The following RNF138 variants were observed in gnomAD, a reference collection of about 807,000 sequenced individuals.
The protein encoded by RNF138 is E3 ubiquitin-protein ligase RNF138.
Under a neutral mutation model 31.0 loss-of-function variants are expected in RNF138, and 12 were observed. The observed-to-expected ratio is 0.39, with a 90% CI of 0.25 to 0.63. The LOEUF is 0.63. Among genes scored for constraint, RNF138 ranks in the 20% least tolerant of loss-of-function variants. RNF138 has a pLI of 0.52. For missense variants in RNF138, 192 were observed against 300.1 expected, an observed-to-expected ratio of 0.64 and a Z score of 2.66; for synonymous variants, 105 against 99.5, an observed-to-expected ratio of 1.06 and a Z score of -0.33.
intron 6 of RNF138, among the ~76,000 whole-genome samples, chr18:32,125,426 A>C (rs533403291): frequency 3.5e-4 from 54 of 152,330 alleles, no homozygotes; most frequent in Non-Finnish European, 6.6e-4. Flanking sequence ...ATTCCAACAT[A>C]TAATGATCCT....
intron 4 of RNF138, among the ~76,000 whole-genome samples, chr18:32,117,701 C>G (rs187275743): frequency 2.1e-3 from 325 of 152,266 alleles, no homozygotes; most frequent in African/African-American, 7.5e-3. Context: ...CACTTTCATT[C>G]ATATCATTCA....
intron 2 of RNF138, among the ~76,000 whole-genome samples, chr18:32,110,547 G>A (rs1301128992): frequency 6.6e-6 from 1 of 152,192 alleles, no homozygotes; most frequent in Admixed American, 6.5e-5. Flanking sequence ...CTCAGGTTAT[G>A]TGATCTGTTA....
At chr18:32,099,286 A>G (rs928650812) in intron 2 of RNF138, among the ~76,000 whole-genome samples, 1 of 152,162 alleles carries the variant, frequency 6.6e-6, no homozygotes, top group African/African-American at 2.4e-5. Flanking sequence ...TCTGTCTAGC[A>G]CTTTGATCCA....
At chr18:32,114,563 A>G (rs1270411123) in intron 4 of RNF138, among the ~76,000 whole-genome samples, 1 of 152,178 alleles carries the variant, frequency 6.6e-6, no homozygotes, top group East Asian at 1.9e-4. Flanking sequence ...CCTAGATGCA[A>G]CCACTATTCT....
At chr18:32,118,715 G>A (rs1346526817) in intron 4 of RNF138, among the ~76,000 whole-genome samples, 1 of 151,966 alleles carries the variant, frequency 6.6e-6, no homozygotes, top group Non-Finnish European at 1.5e-5. Context: ...TGTAATCCCA[G>A]CTACTCAGGA....
chr18:32,092,537 AT>A (rs2039712012), intron 1 of RNF138, 162 bp from the exon 2 acceptor site: 2 of 509,540 alleles, frequency 3.9e-6, no homozygotes, highest in Admixed American at 7.2e-5. Context: ...ACCGTCCCCC[AT>A]CCAGCCCCCT....
intron 6 of RNF138, 77 bp from the exon 7 acceptor site, chr18:32,126,616 G>A: frequency 4.4e-6 from 4 of 901,092 alleles, no homozygotes; most frequent in East Asian, 2.6e-5. Context: ...ATATCCCTGT[G>A]TTATTTTAAT....
At position 32,131,432 on chromosome 18, in the gene RNF138, A is replaced by G. The variant is rs550829938; in HGVS notation, c.*2245A>G. The G allele has an allele frequency of 6.6e-6, 1 of 152,298 alleles. No individual in the cohort carries two copies. The highest frequency in any genetic ancestry group is 1.5e-5 in the Non-Finnish European group (1 of 67,992). The allele number at this position is 152,298 out of a possible 1,614,324, so 9.4% of individuals were successfully genotyped here. A position where few individuals can be genotyped will look rare whatever the true frequency, so the allele number is the denominator to read the frequency against. The stretch of plus-strand genomic sequence containing the variant: ...AGAATTAAAGGAGGGAATTGTATTG[A>G]TACTCCAATACCTAAATTTCACAAT... On this transcript the variant is annotated 3_prime_UTR_variant, in exon 8 of 8. Coordinates refer to ENST00000261593, the MANE Select transcript of RNF138 (RefSeq NM_016271.5).
At chr18:32,104,452 G>A (rs1488824711) in intron 2 of RNF138, among the ~76,000 whole-genome samples, 2 of 152,084 alleles carry the variant, frequency 1.3e-5, no homozygotes, top group African/African-American at 2.4e-5. Context: ...ATTTAACATT[G>A]TATTTCAGGT....
Position 32,099,424 on chromosome 18 carries a change from A to G in RNF138, c.110+6538A>G, listed in dbSNP as rs542472982. Among the ~76,000 whole-genome samples the G allele has an allele frequency of 2.0e-5, 3 of 152,234 alleles. No individual in the cohort carries two copies. In the East Asian group the frequency reaches 5.8e-4, roughly 29 times the overall value. On this transcript the variant is annotated intron_variant, in intron 2 of 7. Transcript: ENST00000261593. ...TATCTCTATTTTATTTTATTTTTAG[A>G]CAAAATCTCGCTCTGTTGCCCAGAC...
Position 32,113,757 on chromosome 18 carries a change from C to G in RNF138, c.289C>G (p.Arg97Gly). The G allele has an allele frequency of 2.1e-6, 3 of 1,403,092 alleles. No homozygotes were observed. The highest frequency in any genetic ancestry group is 2.9e-6 in the Non-Finnish European group (3 of 1,032,930). 86.9% of individuals were successfully genotyped at this position (1,403,092 alleles called of 1,614,324 possible). The change falls in exon 4 of 8, where the codon CGC becomes GGC. Residue 97 changes from arginine (R) to glycine (G), a missense_variant. Coordinates refer to ENST00000261593, the MANE Select transcript of RNF138 (RefSeq NM_016271.5). Reference sequence around the variant, plus strand: ...TAATAATTTACAGATTAAATTCTATCGCATGAGACATCATTACAAATCTTG... The same window carrying G: ...TAATAATTTACAGATTAAATTCTATGGCATGAGACATCATTACAAATCTTG... ...RCCAKQIKFY[R>G]MRHHYKSCKK...
At chr18:32,098,270 T>C (rs1314626514) in intron 2 of RNF138, among the ~76,000 whole-genome samples, 3 of 151,986 alleles carry the variant, frequency 2.0e-5, no homozygotes, top group African/African-American at 7.2e-5. Context: ...CCTCCCAAAG[T>C]GCTAGGATTA....
rs781414349 is a variant in RNF138 at position 32,092,654 on chromosome 18, C to T, written c.-77-46C>T. On this transcript the variant is annotated intron_variant, in intron 1 of 7. Transcript: ENST00000261593. ...AGGGCCCCGCCCCCTTCCTGGCGCG[C>T]GCTGTATCCTGATGCGATCCCCCTC... 30 of 667,396 alleles carry T rather than the reference C, an allele frequency of 4.5e-5. No individual in the cohort carries two copies. In the African/African-American group the frequency reaches 5.0e-4, roughly 11 times the overall value. The allele number at this position is 667,396 out of a possible 1,614,324, so 41.3% of individuals were successfully genotyped here. A position where few individuals can be genotyped will look rare whatever the true frequency, so the allele number is the denominator to read the frequency against.
intron 3 of RNF138, 122 bp from the exon 4 acceptor site, chr18:32,113,622 TA>T: frequency 1.9e-6 from 1 of 512,972 alleles, no homozygotes; most frequent in South Asian, 3.3e-5. Flanking sequence ...TCATTTACTT[TA>T]AAAAAATACA....
At chr18:32,111,968 T>G (rs1327522222) in intron 3 of RNF138, 49 bp downstream of exon 3, 2 of 1,455,192 alleles carry the variant, frequency 1.4e-6, no homozygotes, top group African/African-American at 2.9e-5. Context: ...GTTTCTACTC[T>G]GAAATTCTTA....
At chr18:32,100,259 T>C (rs1290669106) in intron 2 of RNF138, among the ~76,000 whole-genome samples, 1 of 150,970 alleles carries the variant, frequency 6.6e-6, no homozygotes, top group African/African-American at 2.4e-5. Context: ...ACAGTAAAAT[T>C]GGACATAAGA....
chr18:32,093,899 C>T (rs1311609133), intron 2 of RNF138, among the ~76,000 whole-genome samples: 1 of 152,168 alleles, frequency 6.6e-6, no homozygotes, highest in Non-Finnish European at 1.5e-5. Flanking sequence ...GGCTCCATTT[C>T]AAACTTAACA....
chr18:32,095,335 A>G (rs534317186), intron 2 of RNF138, among the ~76,000 whole-genome samples: 1 of 151,982 alleles, frequency 6.6e-6, no homozygotes, highest in East Asian at 1.9e-4. Flanking sequence ...ATGCCTGACT[A>G]ATTTTGTTTT....
intron 4 of RNF138, among the ~76,000 whole-genome samples, chr18:32,117,293 T>C (rs556277677): frequency 6.6e-6 from 1 of 152,174 alleles, no homozygotes; most frequent in South Asian, 2.1e-4. Flanking sequence ...TTATGCGATT[T>C]GAGGAGAATT....
Sources: allele counts gnomAD v4.1 joint callset (sites outside exome capture counted in the v4.1 genomes callset), GRCh38; gene constraint gnomAD v4.1.1; transcripts MANE v1.5; gene names NCBI Gene and HGNC (gene_info 2026-07-23, HGNC 2026-07-21).